Variants in SLC17A8 observed in about 807,000 individuals in gnomAD.
The protein encoded by SLC17A8 is vesicular glutamate transporter 3.
In SLC17A8, 31 loss-of-function variants were observed where a neutral mutation model predicts 58.0. That is an observed-to-expected ratio of 0.53 (90% confidence interval 0.40 to 0.72). SLC17A8 has a LOEUF of 0.72. Among genes scored for constraint, SLC17A8 ranks in the 30% least tolerant of loss-of-function variants. The pLI is 0.00. For missense variants in SLC17A8, 655 were observed against 727.8 expected (o/e 0.90, Z 1.15); for synonymous variants, 228 against 249.0 (o/e 0.92, Z 0.79).
At chr12:100,365,447 T>C (rs1952513407) in intron 1 of SLC17A8, among the ~76,000 whole-genome samples, 1 of 152,194 alleles carries the variant, frequency 6.6e-6, no homozygotes, top group Non-Finnish European at 1.5e-5. Context: ...TCACCCTTAT[T>C]GCAGCCTAGA....
chr12:100,388,658 A>G (rs1432411084), intron 2 of SLC17A8, among the ~76,000 whole-genome samples: 1 of 152,254 alleles, frequency 6.6e-6, no homozygotes, highest in African/African-American at 2.4e-5. Flanking sequence ...GAAGCACAGG[A>G]CGAACGTTGA....
chr12:100,358,154 A>G (rs1394949278), intron 1 of SLC17A8, among the ~76,000 whole-genome samples: 2 of 152,218 alleles, frequency 1.3e-5, no homozygotes, highest in Non-Finnish European at 2.9e-5. Context: ...GCTATAAATG[A>G]TTGAATTAAT....
At chr12:100,376,719 T>A (rs1335931003) in intron 1 of SLC17A8, among the ~76,000 whole-genome samples, 4 of 152,222 alleles carry the variant, frequency 2.6e-5, no homozygotes, top group Non-Finnish European at 5.9e-5. Flanking sequence ...TCATACAATA[T>A]TACTGTGGTT....
intron 5 of SLC17A8, among the ~76,000 whole-genome samples, chr12:100,397,752 G>C (rs936475414): frequency 2.0e-5 from 3 of 151,924 alleles, no homozygotes; most frequent in Non-Finnish European, 4.4e-5. Flanking sequence ...GACCAACCTG[G>C]GCAACATGGT....
At chr12:100,401,291 G>A (rs961964300) in intron 5 of SLC17A8, among the ~76,000 whole-genome samples, 1 of 151,464 alleles carries the variant, frequency 6.6e-6, no homozygotes, top group Non-Finnish European at 1.5e-5. Context: ...GAGCCACCGT[G>A]CCTGGCAACC....
chr12:100,368,963 G>A (rs936784508), intron 1 of SLC17A8, among the ~76,000 whole-genome samples: 5 of 152,192 alleles, frequency 3.3e-5, no homozygotes, highest in African/African-American at 1.2e-4. Flanking sequence ...AAAGTGGAAT[G>A]AAATTTCGTA....
chr12:100,383,264 G>A (rs1322274126), intron 2 of SLC17A8, among the ~76,000 whole-genome samples: 1 of 152,184 alleles, frequency 6.6e-6, no homozygotes, highest in African/African-American at 2.4e-5. Context: ...TGATTAACCC[G>A]AGGAACAATG....
intron 3 of SLC17A8, among the ~76,000 whole-genome samples, chr12:100,392,962 A>G (rs1182198767): frequency 6.6e-6 from 1 of 152,198 alleles, no homozygotes; most frequent in African/African-American, 2.4e-5. Context: ...CCAACTTTTC[A>G]GGACATCATC....
intron 9 of SLC17A8, among the ~76,000 whole-genome samples, chr12:100,405,294 G>T (rs1351531621): frequency 2.6e-5 from 4 of 152,302 alleles, no homozygotes; most frequent in African/African-American, 9.6e-5. Flanking sequence ...CTGGGACATT[G>T]CATTCAAGTC....
intron 1 of SLC17A8, among the ~76,000 whole-genome samples, chr12:100,377,379 A>G (rs1354888533): frequency 6.6e-6 from 1 of 151,968 alleles, no homozygotes; most frequent in Non-Finnish European, 1.5e-5. Context: ...AATCCTAAGA[A>G]CAACCCTATG....
chr12:100,371,316 G>T (rs1952557268), intron 1 of SLC17A8, among the ~76,000 whole-genome samples: 1 of 152,142 alleles, frequency 6.6e-6, no homozygotes, highest in Non-Finnish European at 1.5e-5. Flanking sequence ...ACCACAGTCA[G>T]CATTGAACCC....
intron 9 of SLC17A8, among the ~76,000 whole-genome samples, chr12:100,407,098 T>C (rs1952831415): frequency 6.6e-6 from 1 of 152,238 alleles, no homozygotes; most frequent in Non-Finnish European, 1.5e-5. Flanking sequence ...CCTAGTGCGG[T>C]GTTCAACCTA....
intron 1 of SLC17A8, among the ~76,000 whole-genome samples, chr12:100,364,181 T>A (rs934676143): frequency 1.3e-5 from 2 of 151,450 alleles, no homozygotes; most frequent in African/African-American, 4.9e-5. Context: ...ATAAATTGGG[T>A]GTTTTGGTCT....
chr12:100,380,461 C>T (rs929234042), intron 1 of SLC17A8, among the ~76,000 whole-genome samples: 2 of 151,438 alleles, frequency 1.3e-5, no homozygotes, highest in Admixed American at 1.3e-4. Context: ...TTATAAAAGT[C>T]CCACACAATA....
intron 1 of SLC17A8, among the ~76,000 whole-genome samples, chr12:100,377,645 A>G (rs1401732038): frequency 7.1e-6 from 1 of 140,860 alleles, no homozygotes; most frequent in African/African-American, 2.7e-5. Context: ...CTGGAATGCA[A>G]TGCCGCTATA....
At chr12:100,372,354 A>G (rs947555453) in intron 1 of SLC17A8, among the ~76,000 whole-genome samples, 1 of 151,738 alleles carries the variant, frequency 6.6e-6, no homozygotes, top group Non-Finnish European at 1.5e-5. Flanking sequence ...CTTTTTATTT[A>G]TGTATTTTTT....
At chr12:100,362,953 G>A (rs116976994) in intron 1 of SLC17A8, among the ~76,000 whole-genome samples, 505 of 152,294 alleles carry the variant, frequency 3.3e-3, no homozygotes, top group Non-Finnish European at 5.7e-3. Flanking sequence ...TTAAAAACTA[G>A]CCAAGGCAGT....
chr12:100,418,275 G>C, intron 11 of SLC17A8, 119 bp downstream of exon 11: 1 of 1,280,620 alleles, frequency 7.8e-7, no homozygotes, highest in Admixed American at 1.8e-5. Flanking sequence ...CCTTGACTGA[G>C]TCAGCTGAAC....
chr12:100,419,857 G>C lies in SLC17A8; in HGVS notation c.1468G>C (p.Val490Leu). 1 of 1,614,010 alleles carries C rather than the reference G, an allele frequency of 6.2e-7. No individual in the cohort carries two copies. Among genetic ancestry groups the C allele is most frequent in the Non-Finnish European group, 8.5e-7 (1 of 1,180,048 alleles). ...GAATGTGTTCCTCATAGCTGCCCTG[G>C]TGCATTACAGTGGTGTGATCTTCTA... is the stretch of plus-strand genomic sequence containing the variant. ...WQNVFLIAALVHYSGVIFYGV... is the reference protein window; with the variant it reads ...WQNVFLIAALLHYSGVIFYGV... Residue 490 changes from valine to leucine, a missense_variant, in exon 12 of 12, where the codon GTG becomes CTG. Physicochemically the swap from Val to Leu is conservative, Grantham distance 32. Transcript: ENST00000323346.
Sources: gnomAD v4.1 joint callset for allele counts (sites outside exome capture counted in the v4.1 genomes callset) on GRCh38, gnomAD v4.1.1 for gene constraint, MANE v1.5 for transcripts, NCBI Gene and HGNC (gene_info 2026-07-23, HGNC 2026-07-21) for gene names.